The following FRMD5 variants were observed in gnomAD, a reference collection of about 807,000 sequenced individuals.
FRMD5 encodes the protein FERM domain containing 5, also known as FERM domain-containing protein 5.
A neutral mutation model predicts 69.0 loss-of-function variants in FRMD5; 20 were observed. That is an observed-to-expected ratio of 0.29 (90% CI 0.20 to 0.42). The LOEUF is 0.42. FRMD5 is among the 10% of genes least tolerant of loss of function. The probability of loss-of-function intolerance (pLI) is 1.00; values close to 1 mark genes in which losing one functional copy is unlikely to be tolerated. For missense variants in FRMD5, 595 were observed against 708.6 expected, an observed-to-expected ratio of 0.84 and a Z score of 1.82; for synonymous variants, 271 against 260.1, an observed-to-expected ratio of 1.04 and a Z score of -0.40.
intron 10 of FRMD5, among the ~76,000 whole-genome samples, chr15:43,887,225 G>A (rs1003369184): frequency 2.0e-5 from 3 of 152,156 alleles, no homozygotes; most frequent in African/African-American, 7.2e-5. Flanking sequence ...GTCGGCTAGT[G>A]CCTTCCTCTC....
intron 1 of FRMD5, among the ~76,000 whole-genome samples, chr15:44,127,136 G>T (rs778250985): frequency 1.3e-5 from 2 of 152,202 alleles, no homozygotes; most frequent in African/African-American, 2.4e-5. Context: ...AGGCTTGAGT[G>T]CAGTGGTGCA....
chr15:44,118,894 G>A (rs1020202600), intron 1 of FRMD5, among the ~76,000 whole-genome samples: 3 of 152,118 alleles, frequency 2.0e-5, no homozygotes, highest in African/African-American at 7.2e-5. Context: ...ACCCACCTCA[G>A]CCTCCTGAGT....
intron 4 of FRMD5, among the ~76,000 whole-genome samples, chr15:43,910,887 C>T (rs1052231731): frequency 5.3e-5 from 8 of 152,206 alleles, no homozygotes; most frequent in Admixed American, 2.0e-4. Context: ...TTCTCATGGA[C>T]GTACAACTAA....
intron 10 of FRMD5, among the ~76,000 whole-genome samples, chr15:43,887,462 C>T (rs530579997): frequency 1.3e-5 from 2 of 152,320 alleles, no homozygotes; most frequent in Admixed American, 6.5e-5. Context: ...GCCAAAGTCT[C>T]CCGAGTATAT....
intron 1 of FRMD5, among the ~76,000 whole-genome samples, chr15:44,057,038 T>C (rs1892896343): frequency 6.6e-6 from 1 of 152,192 alleles, no homozygotes; most frequent in Admixed American, 6.5e-5. Context: ...AACTGTGAGT[T>C]CACTCTCCAT....
chr15:43,946,041 C>T (rs947709849), intron 1 of FRMD5, among the ~76,000 whole-genome samples: 3 of 151,212 alleles, frequency 2.0e-5, no homozygotes, highest in African/African-American at 7.3e-5. Flanking sequence ...GGCAACAGAG[C>T]GAGACTCTGT....
intron 6 of FRMD5, among the ~76,000 whole-genome samples, chr15:43,904,575 C>T (rs116350962): frequency 0.017 from 2,534 of 152,108 alleles, 69 homozygotes; most frequent in African/African-American, 0.056. Flanking sequence ...ACAGGGTTTT[C>T]GCCATGTTGC....
chr15:44,194,852 G>C, intron 1 of FRMD5, 101 bp downstream of exon 1: 1 of 978,568 alleles, frequency 1.0e-6, no homozygotes, highest in East Asian at 2.7e-5. Context: ...CACGGCGCTG[G>C]GGCTGGGGCG....
chr15:43,993,772 G>A (rs1372564950), intron 1 of FRMD5, among the ~76,000 whole-genome samples: 3 of 152,094 alleles, frequency 2.0e-5, no homozygotes, highest in African/African-American at 7.2e-5. Context: ...CAGTGTTGGT[G>A]CATCTATATG....
intron 1 of FRMD5, among the ~76,000 whole-genome samples, chr15:44,161,574 C>T (rs2077616739): frequency 6.6e-6 from 1 of 152,164 alleles, no homozygotes; most frequent in South Asian, 2.1e-4. Flanking sequence ...TAATTTGACA[C>T]ATGCTCAATG....
At chr15:44,195,701 C>T (rs1566998648), upstream of FRMD5, among the ~76,000 whole-genome samples, 2 of 151,754 alleles carry the variant, frequency 1.3e-5, no homozygotes, top group Admixed American at 1.3e-4. Flanking sequence ...CTGCAGAATG[C>T]GGATACCTCT....
intron 1 of FRMD5, among the ~76,000 whole-genome samples, chr15:44,060,936 TTG>T (rs1010937903): frequency 2.6e-5 from 4 of 152,202 alleles, no homozygotes; most frequent in African/African-American, 9.7e-5. Flanking sequence ...TGTTTCTTAT[TTG>T]TCTCTCTATC....
chr15:44,194,767 G>A, intron 1 of FRMD5, 186 bp downstream of exon 1: 1 of 678,932 alleles, frequency 1.5e-6, no homozygotes, highest in Non-Finnish European at 2.7e-6. Context: ...CACACCGGGT[G>A]CCAGGGCTCC....
At chr15:44,025,121 G>C in intron 1 of FRMD5, among the ~76,000 whole-genome samples, 1 of 152,132 alleles carries the variant, frequency 6.6e-6, no homozygotes, top group South Asian at 2.1e-4. Flanking sequence ...TTAATCCAGT[G>C]GCTGGCCAAC....
intron 1 of FRMD5, among the ~76,000 whole-genome samples, chr15:44,087,276 C>T (rs1175218541): frequency 6.6e-6 from 1 of 152,168 alleles, no homozygotes; most frequent in South Asian, 2.1e-4. Context: ...CCGCCACAGC[C>T]TCCCTAAATG....
chr15:43,956,851 C>G (rs2140527208), intron 1 of FRMD5, among the ~76,000 whole-genome samples: 1 of 152,330 alleles, frequency 6.6e-6, no homozygotes, highest in East Asian at 1.9e-4. Flanking sequence ...GGTTAGACAA[C>G]TTAATGATTG....
chr15:43,907,772 C>T (rs1042820654), intron 5 of FRMD5, among the ~76,000 whole-genome samples: 1 of 152,130 alleles, frequency 6.6e-6, no homozygotes, highest in African/African-American at 2.4e-5. Flanking sequence ...TCCCAAAGTT[C>T]TGGGGTTACA....
intron 1 of FRMD5, among the ~76,000 whole-genome samples, chr15:44,158,531 C>T (rs546592253): frequency 1.6e-4 from 25 of 152,268 alleles, no homozygotes; most frequent in African/African-American, 5.8e-4. Context: ...AATTTTTACT[C>T]TTCCTAATAT....
intron 1 of FRMD5, among the ~76,000 whole-genome samples, chr15:44,041,346 G>A (rs1892182257): frequency 1.3e-5 from 2 of 152,042 alleles, no homozygotes; most frequent in African/African-American, 2.4e-5. Flanking sequence ...GGACCAAGGA[G>A]ACATCTACAG....
Sources: gnomAD v4.1 joint callset for allele counts (sites outside exome capture counted in the v4.1 genomes callset) on GRCh38, gnomAD v4.1.1 for gene constraint, MANE v1.5 for transcripts, NCBI Gene and HGNC (gene_info 2026-07-23, HGNC 2026-07-21) for gene names.